TTBK2: variants seen among roughly 807,000 people sequenced by gnomAD.
The protein encoded by TTBK2 is tau-tubulin kinase 2.
In TTBK2, 28 loss-of-function variants were observed where a neutral mutation model predicts 110.8. The ratio of observed to expected loss-of-function variants is 0.25; its 90% confidence interval spans 0.19 to 0.35. The LOEUF (loss-of-function observed/expected upper bound fraction) is 0.35. Ranked by LOEUF, TTBK2 falls within the 10% of genes least tolerant of loss-of-function variation. The pLI is 1.00. For missense variants in TTBK2, 1,369 were observed against 1,500.3 expected, an observed-to-expected ratio of 0.91 and a Z score of 1.45; for synonymous variants, 532 against 527.3, an observed-to-expected ratio of 1.01 and a Z score of -0.12.
chr15:42,842,713 C>A (rs1893271156), intron 3 of TTBK2, among the ~76,000 whole-genome samples: 1 of 150,600 alleles, frequency 6.6e-6, no homozygotes, highest in African/African-American at 2.5e-5. Flanking sequence ...TAGCAAGACC[C>A]CTTCCCCTAA....
In TTBK2 at chr15:42,751,395, CACA is replaced by C. The variant is rs553417467; in HGVS notation, c.3272+576_3272+578del. ...TATAACTTTAGAATATTAAGTGTAA[CACA>C]ACAATGTGAATGTACTTACTACCAC... On this transcript the variant is annotated intron_variant, in intron 14 of 14. Coordinates refer to ENST00000267890, the MANE Select transcript of TTBK2 (RefSeq NM_173500.4). Among the ~76,000 whole-genome samples, 14 of 152,258 alleles carry C rather than the reference CACA, an allele frequency of 9.2e-5. No homozygotes were observed. In the East Asian group the frequency reaches 2.1e-3, roughly 23 times the overall value.
At chr15:42,866,370 T>C (rs1479398203) in intron 3 of TTBK2, among the ~76,000 whole-genome samples, 2 of 152,170 alleles carry the variant, frequency 1.3e-5, no homozygotes, top group Non-Finnish European at 2.9e-5. Flanking sequence ...TGTCTCATAA[T>C]ATCTAGAAAC....
At chr15:42,829,799 AGGTCTCTATTG>A in intron 5 of TTBK2, 128 bp downstream of exon 5, 1 of 1,173,114 alleles carries the variant, frequency 8.5e-7, no homozygotes, top group Non-Finnish European at 1.2e-6. Context: ...TTTTGCTTCC[AGGTCTCTATTG>A]GAATGAAAAT....
At chr15:42,903,033 A>AT (rs1384946938) in intron 1 of TTBK2, among the ~76,000 whole-genome samples, 67 of 149,812 alleles carry the variant, frequency 4.5e-4, no homozygotes, top group African/African-American at 1.2e-3. Context: ...ATTCTTTTTA[A>AT]TTTTTTTTTT....
chr15:42,816,965 AAAG>A (rs1892059987), intron 7 of TTBK2, 64 bp downstream of exon 7: 2 of 908,870 alleles, frequency 2.2e-6, no homozygotes, highest in Non-Finnish European at 2.9e-6. Flanking sequence ...ATAAAATAAA[AAAG>A]AAGTCAATCT....
At chr15:42,900,727 CA>C (rs199831862) in intron 1 of TTBK2, among the ~76,000 whole-genome samples, 1 of 148,570 alleles carries the variant, frequency 6.7e-6, no homozygotes, top group African/African-American at 2.5e-5. Context: ...ATCCCCCCAC[CA>C]AAAAAAAACA....
rs544168658 is a variant in TTBK2 at position 42,877,721 on chromosome 15, C to T, written c.69+828G>A. On this transcript the variant is annotated intron_variant, in intron 2 of 14. Transcript: ENST00000267890. ...GAAAGTAGCTGAAAAATACTACATG[C>T]TAACAGACAAAATGATACACAATCT... is the stretch of plus-strand genomic sequence containing the variant. 1.1e-4 allele frequency among the ~76,000 whole-genome samples: 16 copies of T among 151,984 alleles called. 2 individuals are homozygous for T. Among genetic ancestry groups the T allele is most frequent in the African/African-American group, 3.9e-4 (16 of 41,482 alleles).
In TTBK2 at chr15:42,751,837, C is replaced by A. The variant is rs570117872; in HGVS notation, c.3272+137G>T. The stretch of plus-strand genomic sequence containing the variant: ...ATCTGATTACTTCTACTGCACTAGG[C>A]TGTAAGGCCTGGGAAAGGCAGGAAA... On this transcript the variant is annotated intron_variant, in intron 14 of 14. Coordinates refer to ENST00000267890, the MANE Select transcript of TTBK2 (RefSeq NM_173500.4). 4.1e-3 allele frequency: 4,295 copies of A among 1,035,036 alleles called. 22 individuals are homozygous for A. Among genetic ancestry groups the A allele is most frequent in the Non-Finnish European group, 5.1e-3 (3,410 of 673,024 alleles). The allele number at this position is 1,035,036 out of a possible 1,614,324, so 64.1% of individuals were successfully genotyped here. A position where few individuals can be genotyped will look rare whatever the true frequency, so the allele number is the denominator to read the frequency against.
chr15:42,817,223 C>A, intron 6 of TTBK2, 126 bp from the exon 7 acceptor site: 1 of 509,222 alleles, frequency 2.0e-6, no homozygotes. Context: ...TATTTAATTT[C>A]TAACTTTTAA....
chr15:42,775,878 T>G (rs1889900321), intron 12 of TTBK2, among the ~76,000 whole-genome samples, 155 bp from the exon 13 acceptor site: 2 of 152,338 alleles, frequency 1.3e-5, no homozygotes, highest in South Asian at 4.2e-4. Context: ...AATGCTCTTC[T>G]CTACCTGCCA....
At chr15:42,846,884 GT>G (rs1173246969) in intron 3 of TTBK2, among the ~76,000 whole-genome samples, 1 of 152,148 alleles carries the variant, frequency 6.6e-6, no homozygotes, top group Admixed American at 6.5e-5. Context: ...TGAGCTTCTG[GT>G]TTGCTGAATA....
In TTBK2 at chr15:42,741,161, T is replaced by C. The variant is rs1595868567; in HGVS notation, c.*4634A>G. On this transcript the variant is annotated 3_prime_UTR_variant, in exon 15 of 15. Coordinates refer to ENST00000267890, the MANE Select transcript of TTBK2 (RefSeq NM_173500.4). ...CCAAAATATTGAGAATACTCAATGA[T>C]AGGATGAGTTTCCACTCTACTTCCT... 1 of 152,256 alleles carries C rather than the reference T, an allele frequency of 6.6e-6. No individual in the cohort carries two copies. The allele number at this position is 152,256 out of a possible 1,614,324, so 9.4% of individuals were successfully genotyped here.
chr15:42,830,753 C>T (rs1435289832), intron 4 of TTBK2, among the ~76,000 whole-genome samples: 2 of 151,752 alleles, frequency 1.3e-5, no homozygotes, highest in African/African-American at 4.8e-5. Flanking sequence ...CGCCTGTAAT[C>T]CCAGCACTTT....
intron 1 of TTBK2, among the ~76,000 whole-genome samples, chr15:42,888,788 G>C (rs114708240): frequency 0.01 from 1,590 of 152,226 alleles, 29 homozygotes; most frequent in African/African-American, 0.036. Context: ...TCACTGCAAC[G>C]GCCATCAAAA....
chr15:42,827,397 A>G (rs540927061), intron 6 of TTBK2, among the ~76,000 whole-genome samples: 17 of 152,358 alleles, frequency 1.1e-4, no homozygotes, highest in Admixed American at 8.5e-4. Context: ...AAGAAACAGG[A>G]AAGTATGACT....
intron 7 of TTBK2, among the ~76,000 whole-genome samples, chr15:42,815,927 TAA>T (rs1262797982): frequency 3.8e-5 from 2 of 52,452 alleles, no homozygotes; most frequent in Non-Finnish European, 2.9e-5. Flanking sequence ...TATATATATT[TAA>T]AAATATATAT....
intron 2 of TTBK2, among the ~76,000 whole-genome samples, chr15:42,873,532 A>C (rs1894696662): frequency 1.3e-5 from 2 of 152,198 alleles, no homozygotes; most frequent in South Asian, 4.1e-4. Context: ...CAGAGCAGGC[A>C]GAGAACTCTA....
intron 10 of TTBK2, among the ~76,000 whole-genome samples, chr15:42,786,561 T>A (rs1377248021): frequency 6.6e-6 from 1 of 152,210 alleles, no homozygotes; most frequent in African/African-American, 2.4e-5. Flanking sequence ...TTTTTCCAAC[T>A]ACCTCAATTC....
intron 12 of TTBK2, among the ~76,000 whole-genome samples, chr15:42,776,724 C>A (rs757683966): frequency 2.6e-5 from 4 of 152,166 alleles, no homozygotes; most frequent in Non-Finnish European, 5.9e-5. Flanking sequence ...AGATTACTTT[C>A]TAAACAAAGT....
Sources: gnomAD v4.1 joint callset for allele counts (sites outside exome capture counted in the v4.1 genomes callset) on GRCh38, gnomAD v4.1.1 for gene constraint, MANE v1.5 for transcripts, NCBI Gene and HGNC (gene_info 2026-07-23, HGNC 2026-07-21) for gene names.